DLG2: variants seen among roughly 807,000 people sequenced by gnomAD.
DLG2 encodes the protein discs large MAGUK scaffold protein 2.
In DLG2, 45 loss-of-function variants were observed where a neutral mutation model predicts 132.5. The observed-to-expected ratio is 0.34, with a 90% confidence interval of 0.27 to 0.44. DLG2 has a LOEUF of 0.44. Ranked by LOEUF, DLG2 falls within the 20% of genes least tolerant of loss-of-function variation. DLG2 has a pLI of 1.00. For missense variants in DLG2, 1,045 were observed against 1,196.9 expected, an observed-to-expected ratio of 0.87 and a Z score of 1.87; for synonymous variants, 424 against 419.6, an observed-to-expected ratio of 1.01 and a Z score of -0.13.
At chr11:83,764,473 G>A (rs1043545446) in intron 18 of DLG2, among the ~76,000 whole-genome samples, 1 of 152,226 alleles carries the variant, frequency 6.6e-6, no homozygotes, top group Non-Finnish European at 1.5e-5. Flanking sequence ...TGCAGGGAAG[G>A]GAGAAGGCAA....
At chr11:85,540,501 T>C (rs1424036547) in intron 3 of DLG2, among the ~76,000 whole-genome samples, 2 of 152,236 alleles carry the variant, frequency 1.3e-5, no homozygotes, top group South Asian at 2.1e-4. Context: ...CATCCCCCTC[T>C]GGCCTCCCCA....
chr11:83,660,686 G>A (rs2074024697), intron 18 of DLG2, among the ~76,000 whole-genome samples: 1 of 152,050 alleles, frequency 6.6e-6, no homozygotes, highest in South Asian at 2.1e-4. Context: ...TAACATGTAA[G>A]GTGACATAAA....
rs770101910 is a variant in DLG2, at chr11:84,434,918, G to GAAA, written c.519+99649_519+99651dup. Among the ~76,000 whole-genome samples, 753 of 79,206 alleles carry GAAA rather than the reference G, an allele frequency of 9.5e-3. 14 individuals are homozygous for GAAA. Among genetic ancestry groups the GAAA allele is most frequent in the African/African-American group, 0.029 (721 of 25,138 alleles). The allele number at this position is 79,206 out of a possible 152,430, so 52.0% of individuals were successfully genotyped here. On this transcript the variant is annotated intron_variant, in intron 7 of 27. Transcript: ENST00000376104. ...GTGAAGAAATAAACTGTCACCTACT[G>GAAA]AAAAAAAAAAAAAAAAAAAGAAAAG...
chr11:83,768,363 T>C (rs555783004), intron 18 of DLG2, among the ~76,000 whole-genome samples: 11 of 152,342 alleles, frequency 7.2e-5, no homozygotes, highest in African/African-American at 2.2e-4. Flanking sequence ...AGAAAGTATT[T>C]CCATTTGTGA....
chr11:83,985,857 C>T (rs1298103246), intron 11 of DLG2, among the ~76,000 whole-genome samples: 1 of 151,802 alleles, frequency 6.6e-6, no homozygotes, highest in Admixed American at 6.6e-5. Flanking sequence ...ATATATATTC[C>T]TTTGGATATA....
intron 11 of DLG2, among the ~76,000 whole-genome samples, chr11:84,020,026 T>C (rs998946484): frequency 6.6e-6 from 1 of 151,994 alleles, no homozygotes; most frequent in African/African-American, 2.4e-5. Flanking sequence ...GAAAAGCACA[T>C]GGAGAACTTG....
At chr11:84,062,656 C>T (rs1431757290) in intron 10 of DLG2, among the ~76,000 whole-genome samples, 1 of 151,838 alleles carries the variant, frequency 6.6e-6, no homozygotes, top group Admixed American at 6.6e-5. Context: ...AAAACAGGGA[C>T]ATAATTTCAA....
At chr11:84,875,229 A>G (rs576108043) in intron 6 of DLG2, among the ~76,000 whole-genome samples, 57 of 152,146 alleles carry the variant, frequency 3.7e-4, no homozygotes, top group Non-Finnish European at 1.0e-4. Flanking sequence ...ATACTTTTGT[A>G]AGGCATCAAA....
intron 18 of DLG2, among the ~76,000 whole-genome samples, chr11:83,659,612 G>T (rs1357361095): frequency 6.6e-6 from 1 of 152,104 alleles, no homozygotes; most frequent in Non-Finnish European, 1.5e-5. Flanking sequence ...GCCTTTCTTT[G>T]TGTGCAACCC....
chr11:84,746,098 G>A (rs1435561679), intron 6 of DLG2, among the ~76,000 whole-genome samples: 6 of 152,044 alleles, frequency 3.9e-5, no homozygotes, highest in African/African-American at 1.2e-4. Context: ...TAGACCGTGT[G>A]TGAGATAGGC....
At chr11:85,475,371 A>G (rs1342925889) in intron 3 of DLG2, among the ~76,000 whole-genome samples, 1 of 152,034 alleles carries the variant, frequency 6.6e-6, no homozygotes, top group African/African-American at 2.4e-5. Context: ...TAACCCATGT[A>G]TTATCCTAAT....
intron 11 of DLG2, among the ~76,000 whole-genome samples, chr11:84,053,015 A>C (rs4528354): frequency 0.76 from 115,695 of 151,918 alleles, 44,956 homozygotes; most frequent in Non-Finnish European, 0.86. Flanking sequence ...GAATGAACCT[A>C]AATGCCCATC....
At chr11:85,166,659 A>C (rs2078474640) in intron 4 of DLG2, among the ~76,000 whole-genome samples, 1 of 152,146 alleles carries the variant, frequency 6.6e-6, no homozygotes, top group Non-Finnish European at 1.5e-5. Flanking sequence ...AAAAAGGAAA[A>C]ATAAACTTGT....
At chr11:84,776,359 GTT>G (rs2153898163) in intron 6 of DLG2, among the ~76,000 whole-genome samples, 1 of 152,078 alleles carries the variant, frequency 6.6e-6, no homozygotes, top group South Asian at 2.1e-4. Flanking sequence ...GTCTCCTTAT[GTT>G]GCCCAGGCTG....
At chr11:83,885,485 A>C (rs1158968144) in intron 15 of DLG2, among the ~76,000 whole-genome samples, 1 of 152,240 alleles carries the variant, frequency 6.6e-6, no homozygotes, top group Non-Finnish European at 1.5e-5. Flanking sequence ...GTGTACCTGA[A>C]AGTGACGAGG....
chr11:84,066,518 G>A (rs111577349), intron 10 of DLG2, among the ~76,000 whole-genome samples: 11 of 152,150 alleles, frequency 7.2e-5, no homozygotes, highest in Non-Finnish European at 1.5e-4. Flanking sequence ...CCAGCACTTC[G>A]GGAGGCTGAG....
chr11:85,222,541 C>T (rs1176103432), intron 4 of DLG2, among the ~76,000 whole-genome samples: 1 of 152,036 alleles, frequency 6.6e-6, no homozygotes, highest in Non-Finnish European at 1.5e-5. Flanking sequence ...ATTGGAAATT[C>T]AGAACAGCCC....
chr11:85,074,978 T>A (rs1288209994), intron 6 of DLG2, among the ~76,000 whole-genome samples: 1 of 151,850 alleles, frequency 6.6e-6, no homozygotes, highest in Non-Finnish European at 1.5e-5. Context: ...TTTCCATTGT[T>A]TACTAAATTA....
intron 8 of DLG2, among the ~76,000 whole-genome samples, chr11:84,170,421 C>T (rs2095794218): frequency 6.6e-6 from 1 of 152,146 alleles, no homozygotes; most frequent in African/African-American, 2.4e-5. Flanking sequence ...CCTCAAATAA[C>T]TCAGTCTAAC....
Sources: gnomAD v4.1 joint callset for allele counts (sites outside exome capture counted in the v4.1 genomes callset) on GRCh38, gnomAD v4.1.1 for gene constraint, MANE v1.5 for transcripts, NCBI Gene and HGNC (gene_info 2026-07-23, HGNC 2026-07-21) for gene names.